The following FHL5 variants were observed in gnomAD, a reference collection of about 807,000 sequenced individuals.
The protein encoded by FHL5 is four and a half LIM domains 5.
In FHL5, 33 loss-of-function variants were observed where a neutral mutation model predicts 32.0. The ratio of observed to expected loss-of-function variants is 1.03; its 90% CI spans 0.78 to 1.38. The LOEUF is 1.38. FHL5 is among the 40% of genes most tolerant of loss of function. FHL5 has a pLI of 0.00. For synonymous variants in FHL5, 114 were observed against 113.6 expected (o/e 1.00, Z -0.02); for missense variants, 336 against 343.9 (o/e 0.98, Z 0.18).
At chr6:96,568,933 AT>A (rs1770418561) in intron 1 of FHL5, among the ~76,000 whole-genome samples, 1 of 151,424 alleles carries the variant, frequency 6.6e-6, no homozygotes, top group African/African-American at 2.4e-5. Flanking sequence ...GATATTTTGT[AT>A]TTTTTAGTCT....
At chr6:96,575,164 G>A (rs1770558736) in intron 1 of FHL5, among the ~76,000 whole-genome samples, 1 of 152,092 alleles carries the variant, frequency 6.6e-6, no homozygotes. Flanking sequence ...GTTAATATAT[G>A]TATGTCTCTC....
chr6:96,603,656 C>T lies in FHL5; in HGVS notation c.43C>T (p.Leu15Phe). 6.2e-7 allele frequency: 1 copy of T among 1,613,170 alleles called. No homozygotes were observed. The highest frequency in any genetic ancestry group is 8.5e-7 in the Non-Finnish European group (1 of 1,179,600). Residue 15 changes from leucine to phenylalanine, a missense_variant, in exon 2 of 6, where the codon CTT becomes TTT. Transcript: ENST00000450218. ...TTACTGTCAATACTGCACAGCATCACTTCTTGGGAAGAAATATGTACTAAA... is the reference window on the plus strand; with the variant it reads ...TTACTGTCAATACTGCACAGCATCATTTCTTGGGAAGAAATATGTACTAAA... ...HFYCQYCTAS[L>F]LGKKYVLKDD...
chr6:96,582,333 T>C (rs1009729381), intron 1 of FHL5, among the ~76,000 whole-genome samples: 8 of 152,072 alleles, frequency 5.3e-5, no homozygotes, highest in African/African-American at 1.9e-4. Flanking sequence ...GTCTTGAAAA[T>C]TTTCTTATAT....
At chr6:96,582,907 A>G (rs965852686) in intron 1 of FHL5, among the ~76,000 whole-genome samples, 13 of 152,130 alleles carry the variant, frequency 8.5e-5, no homozygotes, top group Admixed American at 2.0e-4. Context: ...CACATTTTCC[A>G]TCAAGCCAAG....
chr6:96,597,480 C>A (rs1771060200), intron 1 of FHL5, among the ~76,000 whole-genome samples: 1 of 152,112 alleles, frequency 6.6e-6, no homozygotes, highest in Non-Finnish European at 1.5e-5. Flanking sequence ...TTAATCCCTT[C>A]TATCACTGTT....
rs191881403 is a variant in FHL5 at position 96,592,478 on chromosome 6, C to A, written c.-12-11124C>A. ...GCCCAGATTTCATATTGTTCAAACA[C>A]ACATGCTCTACAATTTGTGCAGTTA... On this transcript the variant is annotated intron_variant, in intron 1 of 5. Transcript: ENST00000450218. 1.0e-3 allele frequency among the ~76,000 whole-genome samples: 155 copies of A among 152,242 alleles called. 1 individual carries two copies. The highest frequency in any genetic ancestry group is 3.4e-3 in the Middle Eastern group (1 of 294).
intron 5 of FHL5, among the ~76,000 whole-genome samples, chr6:96,612,280 T>C (rs551368845): frequency 1.3e-5 from 2 of 152,228 alleles, no homozygotes; most frequent in East Asian, 1.9e-4. Flanking sequence ...TATCCAACAA[T>C]ACCTGGAGCT....
At chr6:96,585,129 A>T (rs1316064444) in intron 1 of FHL5, among the ~76,000 whole-genome samples, 1 of 152,198 alleles carries the variant, frequency 6.6e-6, no homozygotes, top group African/African-American at 2.4e-5. Flanking sequence ...AATCCAGTTA[A>T]TTGTAGATTA....
chr6:96,594,227 TTATATA>T (rs1178680000), intron 1 of FHL5, among the ~76,000 whole-genome samples: 3,761 of 66,038 alleles, frequency 0.057, 65 homozygotes, highest in Non-Finnish European at 0.068. Context: ...ATATTAGAAT[TTATATA>T]TATATATATA....
intron 1 of FHL5, among the ~76,000 whole-genome samples, chr6:96,585,564 TA>T (rs764440993): frequency 5.5e-4 from 83 of 151,054 alleles, no homozygotes; most frequent in Admixed American, 1.8e-3. Context: ...AAAGTAATCT[TA>T]AAAAAAAACC....
intron 1 of FHL5, among the ~76,000 whole-genome samples, chr6:96,585,599 G>T (rs1482284109): frequency 6.6e-6 from 1 of 152,046 alleles, no homozygotes; most frequent in Non-Finnish European, 1.5e-5. Context: ...TGTATTTTAA[G>T]ACACATATCA....
intron 1 of FHL5, among the ~76,000 whole-genome samples, chr6:96,568,962 G>A (rs1770419165): frequency 6.6e-6 from 1 of 151,518 alleles, no homozygotes; most frequent in Admixed American, 6.6e-5. Flanking sequence ...ATTTATGTAT[G>A]CTTTTCTTTC....
At chr6:96,563,504 A>G (rs756962453) in intron 1 of FHL5, 149 bp downstream of exon 1, 1 of 151,998 alleles carries the variant, frequency 6.6e-6, no homozygotes, top group Non-Finnish European at 1.5e-5. Flanking sequence ...TGCCTTTTGA[A>G]GTTTCTTAGC....
chr6:96,582,998 A>G (rs989757781), intron 1 of FHL5, among the ~76,000 whole-genome samples: 2 of 152,158 alleles, frequency 1.3e-5, no homozygotes, highest in Admixed American at 1.3e-4. Flanking sequence ...AGCAATTAAT[A>G]TAATTCTCAT....
chr6:96,565,804 ACATGT>A (rs1220075816), intron 1 of FHL5, among the ~76,000 whole-genome samples: 1 of 152,120 alleles, frequency 6.6e-6, no homozygotes, highest in African/African-American at 2.4e-5. Flanking sequence ...AATTTAAGTA[ACATGT>A]CATAAGTCAC....
chr6:96,599,239 A>G (rs987972525), intron 1 of FHL5, among the ~76,000 whole-genome samples: 1 of 131,980 alleles, frequency 7.6e-6, no homozygotes, highest in Non-Finnish European at 1.5e-5. Flanking sequence ...CTTGTTCCCC[A>G]GACTAGAGTG....
rs141124109 is a variant in FHL5, at chr6:96,579,530, C to T, written c.-13+16175C>T. Among the ~76,000 whole-genome samples, 786 of 152,118 alleles carry T rather than the reference C, an allele frequency of 5.2e-3. 3 individuals are homozygous for T. Among genetic ancestry groups the T allele is most frequent in the Non-Finnish European group, 8.4e-3 (569 of 68,014 alleles). Reference sequence around the variant, plus strand: ...AGATAGTACATATTGCTCTAAGGTACCATGTATGGATATAATTTCCAACAT... The same window carrying T: ...AGATAGTACATATTGCTCTAAGGTATCATGTATGGATATAATTTCCAACAT... On this transcript the variant is annotated intron_variant, in intron 1 of 5. Coordinates refer to ENST00000450218, the MANE Select transcript of FHL5 (RefSeq NM_001322466.2).
At chr6:96,591,819 A>G (rs1455631724) in intron 1 of FHL5, among the ~76,000 whole-genome samples, 1 of 152,138 alleles carries the variant, frequency 6.6e-6, no homozygotes, top group Admixed American at 6.6e-5. Flanking sequence ...AGAGAACAAA[A>G]GAGAGAAATT....
intron 1 of FHL5, among the ~76,000 whole-genome samples, chr6:96,571,918 A>C (rs1200691478): frequency 6.6e-6 from 1 of 152,046 alleles, no homozygotes; most frequent in Non-Finnish European, 1.5e-5. Flanking sequence ...AGTACTCCAG[A>C]ATGGTGGAGG....
Sources: allele counts gnomAD v4.1 joint callset (sites outside exome capture counted in the v4.1 genomes callset), GRCh38; gene constraint gnomAD v4.1.1; transcripts MANE v1.5; gene names NCBI Gene and HGNC (gene_info 2026-07-23, HGNC 2026-07-21).